The following KNDC1 variants were observed in gnomAD, a reference collection of about 807,000 sequenced individuals.
KNDC1 encodes kinase non-catalytic C-lobe domain containing 1, also known as kinase non-catalytic C-lobe domain-containing protein 1.
A neutral mutation model predicts 172.8 loss-of-function variants in KNDC1; 106 were observed. The ratio of observed to expected loss-of-function variants is 0.61; its 90% CI spans 0.52 to 0.72. KNDC1 has a LOEUF of 0.72. KNDC1 is among the 30% of genes least tolerant of loss of function. The probability of loss-of-function intolerance (pLI) is 0.00; values close to 1 mark genes in which losing one functional copy is unlikely to be tolerated. For synonymous variants in KNDC1, 1,083 were observed against 1,062.2 expected, an observed-to-expected ratio of 1.02 and a Z score of -0.38; for missense variants, 2,325 against 2,394.5, an observed-to-expected ratio of 0.97 and a Z score of 0.61.
chr10:133,203,815 C>T (rs7906636), intron 17 of KNDC1, among the ~76,000 whole-genome samples: 30,900 of 152,276 alleles, frequency 0.2, 3,979 homozygotes, highest in Middle Eastern at 0.32. Context: ...TCAGTCAAGA[C>T]CGTCCTCCTC....
Position 133,201,901 on chromosome 10 carries a change from G to A in KNDC1, c.3387+3G>A. 1 of 1,475,590 alleles carries A rather than the reference G, an allele frequency of 6.8e-7. No individual in the cohort carries two copies. The highest frequency in any genetic ancestry group is 1.4e-5 in the South Asian group (1 of 71,796). 91.4% of individuals were successfully genotyped at this position (1,475,590 alleles called of 1,614,324 possible). A position where few individuals can be genotyped will look rare whatever the true frequency, so the allele number is the denominator to read the frequency against. On this transcript the variant is annotated splice_donor_region_variant and intron_variant, in intron 17 of 29. Coordinates refer to ENST00000304613, the MANE Select transcript of KNDC1 (RefSeq NM_152643.8). ...CCCTGCCCGACGCCCAGAGCCCGGT[G>A]AGTCCCAGGCCTTGGCACTGCCGGG... is the stretch of plus-strand genomic sequence containing the variant.
chr10:133,170,259 A>G (rs1285494116), intron 3 of KNDC1, among the ~76,000 whole-genome samples: 1 of 152,080 alleles, frequency 6.6e-6, no homozygotes, highest in Non-Finnish European at 1.5e-5. Flanking sequence ...GGGCAGGTGG[A>G]CGTACATCTG....
chr10:133,219,767 A>T lies in KNDC1; in HGVS notation c.4861-188A>T, dbSNP rs116159506. On this transcript the variant is annotated intron_variant, in intron 28 of 29. Coordinates refer to ENST00000304613, the MANE Select transcript of KNDC1 (RefSeq NM_152643.8). ...GGGCCGTGAAAGCTTAAGACCCCGC[A>T]GGTGTGAGCCAAGTCCAACCATCCA... 5.7e-3 allele frequency among the ~76,000 whole-genome samples: 864 copies of T among 152,328 alleles called. 9 individuals carry two copies. Among genetic ancestry groups the T allele is most frequent in the African/African-American group, 0.02 (823 of 41,568 alleles).
At chr10:133,184,028 ATATACCTGTGTGCCATG>A (rs1564882631) in intron 5 of KNDC1, 39 bp downstream of exon 5, 2 of 1,038,644 alleles carry the variant, frequency 1.9e-6, no homozygotes. Context: ...CCTCATGCAC[ATATACCTGTGTGCCATG>A]TATGCACACG....
intron 1 of KNDC1, among the ~76,000 whole-genome samples, chr10:133,161,066 G>C (rs11814264): frequency 0.34 from 51,750 of 151,714 alleles, 8,949 homozygotes; most frequent in East Asian, 0.47. Context: ...CTTCACCCAA[G>C]ACCCCCCTAC....
chr10:133,217,858 C>T (rs181099916), intron 26 of KNDC1, among the ~76,000 whole-genome samples: 10 of 147,410 alleles, frequency 6.8e-5, no homozygotes, highest in African/African-American at 1.7e-4. Flanking sequence ...GGGCAGATCA[C>T]GAGGTCAGGA....
chr10:133,204,110 GC>G (rs991553754), intron 17 of KNDC1, among the ~76,000 whole-genome samples: 2 of 152,188 alleles, frequency 1.3e-5, no homozygotes, highest in African/African-American at 4.8e-5. Context: ...CCGGACGAGG[GC>G]CCCATGGTGC....
In KNDC1 at chr10:133,188,581, T is replaced by A. The variant is rs1436449560; in HGVS notation, c.1369T>A (p.Phe457Ile). ...CCTCCTGTCCCAGCTGGGCCGGCCC[T>A]TCCGGGAGTACGAGCTGTGGGCCCT... ...QDLLSQLGRP[F>I]REYELWALCL... is the part of the protein sequence containing the mutation. Residue 457 changes from phenylalanine to isoleucine, a missense_variant, in exon 7 of 30, where the codon TTC becomes ATC. Transcript: ENST00000304613. The A allele has an allele frequency of 3.1e-6, 5 of 1,592,290 alleles. No homozygotes were observed. Among genetic ancestry groups the A allele is most frequent in the Non-Finnish European group, 4.3e-6 (5 of 1,170,578 alleles).
At position 133,188,611 on chromosome 10, in the gene KNDC1, C is replaced by A; in HGVS notation, c.1399C>A (p.Leu467Met). 1 of 1,598,784 alleles carries A rather than the reference C, an allele frequency of 6.3e-7. No individual in the cohort carries two copies. Among genetic ancestry groups the A allele is most frequent in the Non-Finnish European group, 8.5e-7 (1 of 1,174,632 alleles). Residue 467 changes from leucine (L) to methionine (M), a missense_variant, in exon 7 of 30, where the codon CTG (leucine) becomes ATG (methionine). By Grantham distance (15) the Leu-to-Met change is conservative (BLOSUM62 2). Coordinates refer to ENST00000304613, the MANE Select transcript of KNDC1 (RefSeq NM_152643.8). Reference protein sequence around the residue: ...FREYELWALCLACLRALQTRP... With the variant: ...FREYELWALCMACLRALQTRP... ...GGAGTACGAGCTGTGGGCCCTGTGC[C>A]TGGCCTGCCTCCGCGCACTGCAGAC...
chr10:133,189,979 C>A (rs893151380), intron 9 of KNDC1, among the ~76,000 whole-genome samples, 166 bp downstream of exon 9: 1 of 152,306 alleles, frequency 6.6e-6, no homozygotes, highest in Admixed American at 6.5e-5. Flanking sequence ...TGGCTCTGGC[C>A]GGGGCACCAA....
At chr10:133,202,100 G>A (rs374842045) in intron 17 of KNDC1, 90 of 716,608 alleles carry the variant, frequency 1.3e-4, no homozygotes, top group Middle Eastern at 4.5e-4. Context: ...GGACAGGCTC[G>A]TCTGCACTGG....
At position 133,211,475 on chromosome 10, in the gene KNDC1, G is replaced by T; in HGVS notation, c.3962G>T (p.Cys1321Phe). 2 of 1,613,938 alleles carry T rather than the reference G, an allele frequency of 1.2e-6. No homozygotes were observed. Among genetic ancestry groups the T allele is most frequent in the Non-Finnish European group, 1.7e-6 (2 of 1,179,896 alleles). ...ACCAAGATCTACAGGCGGAGCCTCTGCGTCCTGCAGGCCTGGGTGGAGGAC... is the reference window on the plus strand; with the variant it reads ...ACCAAGATCTACAGGCGGAGCCTCTTCGTCCTGCAGGCCTGGGTGGAGGAC... ...TFTKIYRRSL[C>F]VLQAWVEDCY... The change falls in exon 22 of 30, where the codon TGC (cysteine) becomes TTC (phenylalanine). Residue 1321 changes from cysteine (C) to phenylalanine (F), a missense_variant. Physicochemically the swap from Cys to Phe is radical, Grantham distance 205 (BLOSUM62 -2). Coordinates refer to ENST00000304613, the MANE Select transcript of KNDC1 (RefSeq NM_152643.8).
chr10:133,168,223 GCCTTCTCT>G, intron 2 of KNDC1, 23 bp from the exon 3 acceptor site: 1 of 1,606,484 alleles, frequency 6.2e-7, no homozygotes, highest in Non-Finnish European at 8.5e-7. Flanking sequence ...GTGACCAGAA[GCCTTCTCT>G]CCTTCTCTCT....
Position 133,160,569 on chromosome 10 carries a change from G to A in KNDC1, c.102G>A (p.Glu34=). 6.4e-7 allele frequency: 1 copy of A among 1,569,148 alleles called. No individual in the cohort carries two copies. The highest frequency in any genetic ancestry group is 8.6e-7 in the Non-Finnish European group (1 of 1,158,492). ...FEPLPTLPED[E]ENVSLADILS... ...CGCTGCCCACCCTCCCCGAGGACGA[G>A]GTGAGCCCCCGGCCCCACTGGGGGG... is the stretch of plus-strand genomic sequence containing the variant. Residue 34 remains glutamate (E), a splice_region_variant and synonymous_variant, in exon 1 of 30, where the codon GAG becomes GAA. Coordinates refer to ENST00000304613, the MANE Select transcript of KNDC1 (RefSeq NM_152643.8).
intron 1 of KNDC1, among the ~76,000 whole-genome samples, chr10:133,162,358 A>G (rs1448849809): frequency 6.6e-6 from 1 of 152,194 alleles, no homozygotes; most frequent in Non-Finnish European, 1.5e-5. Context: ...GTGAGGTTGC[A>G]TCATCATCCC....
chr10:133,162,870 C>T (rs1853021674), intron 1 of KNDC1, among the ~76,000 whole-genome samples: 1 of 152,234 alleles, frequency 6.6e-6, no homozygotes, highest in South Asian at 2.1e-4. Flanking sequence ...GACACGTGGC[C>T]GTGCGTGTGT....
At position 133,225,076 on chromosome 10, in the gene KNDC1, A is replaced by T. The variant is rs1489486244; in HGVS notation, c.*186A>T. On this transcript the variant is annotated 3_prime_UTR_variant, in exon 30 of 30. Transcript: ENST00000304613. ...GGACAGGCAGAGCTGGTCTCCTCCC[A>T]GCAGACGGAGCCAGGACGGGCACAA... 1 of 598,616 alleles carries T rather than the reference A, an allele frequency of 1.7e-6. No individual in the cohort carries two copies. Among genetic ancestry groups the T allele is most frequent in the African/African-American group, 1.9e-5 (1 of 53,760 alleles). 37.1% of individuals were successfully genotyped at this position (598,616 alleles called of 1,614,324 possible). A position where few individuals can be genotyped will look rare whatever the true frequency, so the allele number is the denominator to read the frequency against.
rs1845675536 is a variant in KNDC1 at position 133,224,277 on chromosome 10, CGTGGCG to C, written c.5019-381_5019-376del. 6.6e-6 allele frequency among the ~76,000 whole-genome samples: 1 copy of C among 152,176 alleles called. No individual in the cohort carries two copies. Among genetic ancestry groups the C allele is most frequent in the Admixed American group, 6.5e-5 (1 of 15,286 alleles). On this transcript the variant is annotated intron_variant, in intron 29 of 29. Coordinates refer to ENST00000304613, the MANE Select transcript of KNDC1 (RefSeq NM_152643.8). This position sits in a 1 kb window ranked among gnomAD's most constrained non-coding sequence, Gnocchi z 5.4. ...CAGGCTTCCGGCCCTGGGCCCCGGC[CGTGGCG>C]ATTCCCAGGTGTGAATGTGAACGCT...
In KNDC1 at chr10:133,160,404, G is replaced by A. The variant is rs1234155682; in HGVS notation, c.-64G>A. On this transcript the variant is annotated 5_prime_UTR_variant, in exon 1 of 30. Transcript: ENST00000304613. ...GCGCGTCTCCATGGAGCCAGGGCGC[G>A]CGTAGCCGAGCCCAGCCCAGCCCAG... is the stretch of plus-strand genomic sequence containing the variant. The A allele has an allele frequency of 9.0e-6, 9 of 1,004,862 alleles. No individual in the cohort carries two copies. The highest frequency in any genetic ancestry group is 1.2e-5 in the Non-Finnish European group (9 of 766,094). The allele number at this position is 1,004,862 out of a possible 1,614,324, so 62.2% of individuals were successfully genotyped here.
Sources: gnomAD v4.1 joint callset for allele counts (sites outside exome capture counted in the v4.1 genomes callset) on GRCh38, gnomAD v4.1.1 for gene constraint, Gnocchi (gnomAD v3.1) non-coding constraint, MANE v1.5 for transcripts, NCBI Gene and HGNC (gene_info 2026-07-23, HGNC 2026-07-21) for gene names.